CHD8: variants seen among roughly 807,000 people sequenced by gnomAD.
CHD8 encodes ATP-dependent chromatin remodeler CHD8.
A neutral mutation model predicts 279.2 loss-of-function variants in CHD8; 31 were observed. The observed-to-expected ratio is 0.11, with a 90% CI of 0.08 to 0.15. The LOEUF is 0.15. CHD8 is among the 10% of genes least tolerant of loss of function. The pLI is 1.00. For missense variants in CHD8, 2,146 were observed against 3,230.5 expected (o/e 0.66, Z 8.14); for synonymous variants, 1,081 against 1,139.6 (o/e 0.95, Z 1.04).
chr14:21,427,007 T>C (rs1171731632), intron 4 of CHD8: 1 of 152,254 alleles, frequency 6.6e-6, no homozygotes, highest in Non-Finnish European at 1.5e-5. Context: ...AATATATGAA[T>C]GCAGAGTCAC....
At chr14:21,390,918 T>C (rs981962796) in intron 37 of CHD8, 29 bp downstream of exon 37, 62 of 1,056,334 alleles carry the variant, frequency 5.9e-5, no homozygotes, top group Admixed American at 1.2e-4. Flanking sequence ...AGTGTGGGAA[T>C]AGAGTGGTAA....
At chr14:21,394,735 G>A (rs1887702953) in intron 30 of CHD8, 177 bp downstream of exon 30, 1 of 669,924 alleles carries the variant, frequency 1.5e-6, no homozygotes, top group African/African-American at 1.8e-5. Flanking sequence ...AGACCTACCT[G>A]AGAGTTAATG....
rs1460076615 is a variant in CHD8, at chr14:21,405,478, C to T, written c.3052-14G>A. ...TAGCTTTTGAACCTGTGGTCCATTACAGAGAGAAAAATAAATCAATAAGAT... is the reference window on the plus strand; with the variant it reads ...TAGCTTTTGAACCTGTGGTCCATTATAGAGAGAAAAATAAATCAATAAGAT... On this transcript the variant is annotated splice_polypyrimidine_tract_variant and intron_variant, in intron 15 of 37. Transcript: ENST00000646647. This position sits in a 1 kb window ranked among gnomAD's most constrained non-coding sequence, Gnocchi z 4.2. 5 of 1,595,978 alleles carry T rather than the reference C, an allele frequency of 3.1e-6. No homozygotes were observed. The African/African-American group carries it at 5.4e-5, about 17-fold the overall frequency.
At chr14:21,393,417 G>A in intron 32 of CHD8, 59 bp downstream of exon 32, 13 of 1,501,014 alleles carry the variant, frequency 8.7e-6, no homozygotes, top group Non-Finnish European at 1.2e-5. Flanking sequence ...TTTAGAAAAG[G>A]GAAAGAGAAG....
rs150488216 is a variant in CHD8, at chr14:21,426,296, T to C, written c.1602-54A>G. ...AGTGAAAGCAAAGAAAATTTAGGAG[T>C]AAAAAAACATAATTAATCTAAACCA... is the stretch of plus-strand genomic sequence containing the variant. On this transcript the variant is annotated intron_variant, in intron 4 of 37. Coordinates refer to ENST00000646647, the MANE Select transcript of CHD8 (RefSeq NM_001170629.2). 1.4e-3 allele frequency: 1,204 copies of C among 871,188 alleles called. 11 individuals carry two copies. In the African/African-American group the frequency reaches 0.019, roughly 14 times the overall value. 54.0% of individuals were successfully genotyped at this position (871,188 alleles called of 1,614,324 possible). A position where few individuals can be genotyped will look rare whatever the true frequency, so the allele number is the denominator to read the frequency against.
At chr14:21,444,597 TA>T (rs1382585522) in intron 1 of CHD8, among the ~76,000 whole-genome samples, 1 of 152,114 alleles carries the variant, frequency 6.6e-6, no homozygotes, top group Non-Finnish European at 1.5e-5. Context: ...GGAAGGGTCA[TA>T]AAAATTGCAA....
At chr14:21,398,108 A>G (rs1039879677) in intron 26 of CHD8, 156 bp from the exon 27 acceptor site, 25 of 596,166 alleles carry the variant, frequency 4.2e-5, no homozygotes, top group Non-Finnish European at 5.8e-5. Context: ...GTTTATTACT[A>G]TATTTAACAT....
chr14:21,421,532 A>G (rs896634393), intron 5 of CHD8, among the ~76,000 whole-genome samples: 3 of 152,180 alleles, frequency 2.0e-5, no homozygotes, highest in Non-Finnish European at 4.4e-5. Context: ...GAACATATTC[A>G]TAAGGTAATT....
chr14:21,429,371 T>C, intron 2 of CHD8, 36 bp from the exon 3 acceptor site: 1 of 1,597,954 alleles, frequency 6.3e-7, no homozygotes, highest in East Asian at 2.2e-5. Flanking sequence ...GAGTACAACA[T>C]TAAAGAATGG....
chr14:21,450,675 CAGAAAAAA>C (rs1368449502), intron 1 of CHD8, among the ~76,000 whole-genome samples: 1 of 149,334 alleles, frequency 6.7e-6, no homozygotes, highest in Non-Finnish European at 1.5e-5. Context: ...AAAACAAAAA[CAGAAAAAA>C]AGAAAAAAAA....
chr14:21,423,272 G>C (rs1889135815), intron 5 of CHD8, among the ~76,000 whole-genome samples: 1 of 152,026 alleles, frequency 6.6e-6, no homozygotes, highest in African/African-American at 2.4e-5. Flanking sequence ...CTAAAGGCTG[G>C]TAAGTCCAAT....
intron 5 of CHD8, among the ~76,000 whole-genome samples, chr14:21,418,423 G>A (rs914341906): frequency 1.3e-5 from 2 of 152,160 alleles, no homozygotes; most frequent in Non-Finnish European, 2.9e-5. Context: ...GGGAGGCTGA[G>A]GCATGAGGAT....
chr14:21,393,784 G>T lies in CHD8; in HGVS notation c.6011C>A (p.Pro2004His), dbSNP rs747090739. ...ASPLPLRPDA[P>H]VEKSPEETAT... is the part of the protein sequence containing the mutation. ...TGTCTCCTCGGGTGACTTTTCAACA[G>T]GAGCATCTGGGCGCAGGGGCAGTGG... The change falls in exon 32 of 38, where the codon CCT becomes CAT. Residue 2004 changes from proline to histidine, a missense_variant. Physicochemically the swap from Pro to His is moderately conservative, Grantham distance 77. Transcript: ENST00000646647. 6.8e-6 allele frequency: 11 copies of T among 1,613,868 alleles called. No individual in the cohort carries two copies. In the African/African-American group the frequency reaches 1.5e-4, roughly 22 times the overall value.
Position 21,403,218 on chromosome 14 carries a change from T to G in CHD8, c.3519-6A>C. On this transcript the variant is annotated splice_polypyrimidine_tract_variant and splice_region_variant and intron_variant, in intron 17 of 37. Coordinates refer to ENST00000646647, the MANE Select transcript of CHD8 (RefSeq NM_001170629.2). This position sits in a 1 kb window ranked among gnomAD's most constrained non-coding sequence, Gnocchi z 4.3. ...CAATACGTTCATATAAGTACCTGTA[T>G]GGGAATCGCAGAAAAAAAATGTAAG... 2.5e-6 allele frequency: 4 copies of G among 1,611,636 alleles called. No individual in the cohort carries two copies. Among genetic ancestry groups the G allele is most frequent in the Non-Finnish European group, 3.4e-6 (4 of 1,178,466 alleles).
intron 5 of CHD8, among the ~76,000 whole-genome samples, chr14:21,418,582 A>G (rs1474593644): frequency 3.3e-5 from 5 of 152,078 alleles, no homozygotes; most frequent in South Asian, 2.1e-4. Flanking sequence ...TTGGGAGGCC[A>G]AGGTGGGCAT....
In CHD8 at chr14:21,401,163, T is replaced by C. The variant is rs573708536; in HGVS notation, c.4174-92A>G. The C allele has an allele frequency of 2.3e-5, 23 of 1,017,800 alleles. No homozygotes were observed. In the South Asian group the frequency reaches 3.1e-4, roughly 14 times the overall value. 63.0% of individuals were successfully genotyped at this position (1,017,800 alleles called of 1,614,324 possible). A position where few individuals can be genotyped will look rare whatever the true frequency, so the allele number is the denominator to read the frequency against. ...TTAGGGATTACAATAACATTGGATG[T>C]AACGTGTAGATACTCAGAGATTTTT... On this transcript the variant is annotated intron_variant, in intron 21 of 37. Coordinates refer to ENST00000646647, the MANE Select transcript of CHD8 (RefSeq NM_001170629.2).
chr14:21,417,008 G>A (rs1888752337), intron 5 of CHD8, among the ~76,000 whole-genome samples: 1 of 152,164 alleles, frequency 6.6e-6, no homozygotes, highest in South Asian at 2.1e-4. Context: ...GCTGAGGCAG[G>A]AGAATGGCTT....
chr14:21,395,772 T>A, intron 28 of CHD8, 45 bp downstream of exon 28: 1 of 1,137,738 alleles, frequency 8.8e-7, no homozygotes, highest in African/African-American at 1.6e-5. Context: ...GACTTAAAAC[T>A]ATTTAGTAAT....
rs1291902630 is a variant in CHD8 at position 21,392,659 on chromosome 14, C to T, written c.6619G>A (p.Glu2207Lys). Reference protein sequence around the residue: ...LLDSPSLTPGEYGDSPVPTPR... With the variant: ...LLDSPSLTPGKYGDSPVPTPR... ...GTGGGGACTGGAGAGTCACCATATT[C>T]TCCAGGAGTCAATGAGGGACTGTCT... Residue 2207 changes from glutamate to lysine, a missense_variant, in exon 34 of 38, where the codon GAA becomes AAA. By Grantham distance (56) the Glu-to-Lys change is moderately conservative (BLOSUM62 1). Transcript: ENST00000646647. 5 of 1,613,872 alleles carry T rather than the reference C, an allele frequency of 3.1e-6. No individual in the cohort carries two copies. Among genetic ancestry groups the T allele is most frequent in the East Asian group, 2.2e-5 (1 of 44,894 alleles).
Sources: allele counts gnomAD v4.1 joint callset (sites outside exome capture counted in the v4.1 genomes callset), GRCh38; gene constraint gnomAD v4.1.1; non-coding constraint Gnocchi (gnomAD v3.1); transcripts MANE v1.5; gene names NCBI Gene and HGNC (gene_info 2026-07-23, HGNC 2026-07-21).